The following PRPSAP2 variants were observed in gnomAD, a reference collection of about 807,000 sequenced individuals.
PRPSAP2 encodes the protein phosphoribosyl pyrophosphate synthetase associated protein 2.
PRPSAP2 carries 24 observed loss-of-function variants against 40.6 expected under a neutral mutation model. That is an observed-to-expected ratio of 0.59 (90% CI 0.43 to 0.83). The LOEUF (loss-of-function observed/expected upper bound fraction) is 0.83, where lower values mean the gene tolerates loss of function less well. Ranked by LOEUF, PRPSAP2 falls within the 40% of genes least tolerant of loss-of-function variation. PRPSAP2 has a pLI of 0.00. For missense variants in PRPSAP2, 292 were observed against 465.6 expected (o/e 0.63, Z 3.43); for synonymous variants, 149 against 164.7 (o/e 0.90, Z 0.73).
chr17:18,897,453 G>GTGGTGTTGTTGTTGT (rs1555555754), intron 8 of PRPSAP2, among the ~76,000 whole-genome samples: 14 of 150,598 alleles, frequency 9.3e-5, no homozygotes, highest in African/African-American at 3.4e-4. Flanking sequence ...CTCTATAGTG[G>GTGGTGTTGTTGTTGT]TGTTGTTGTT....
At chr17:18,929,792 CTTA>C (rs1296264942) in intron 11 of PRPSAP2, 1 of 152,124 alleles carries the variant, frequency 6.6e-6, no homozygotes, top group African/African-American at 2.4e-5. Flanking sequence ...TACTTTTTAA[CTTA>C]TGAATGGTGC....
At chr17:18,905,730 G>A (rs907127317) in intron 8 of PRPSAP2, among the ~76,000 whole-genome samples, 1 of 151,960 alleles carries the variant, frequency 6.6e-6, no homozygotes, top group Non-Finnish European at 1.5e-5. Flanking sequence ...ACAGGCATGT[G>A]CCACCACACC....
chr17:18,920,507 A>G (rs1008365702), intron 9 of PRPSAP2, among the ~76,000 whole-genome samples: 8 of 152,188 alleles, frequency 5.3e-5, no homozygotes, highest in African/African-American at 1.9e-4. Flanking sequence ...TTTTAGTTTC[A>G]TAGATCCTAA....
At chr17:18,921,445 G>A (rs1321129996) in intron 9 of PRPSAP2, among the ~76,000 whole-genome samples, 2 of 152,132 alleles carry the variant, frequency 1.3e-5, no homozygotes, top group African/African-American at 4.8e-5. Flanking sequence ...CTTCAGTTCT[G>A]GAATTTATCT....
chr17:18,871,100 A>G (rs2037828447), intron 4 of PRPSAP2, among the ~76,000 whole-genome samples: 1 of 151,940 alleles, frequency 6.6e-6, no homozygotes. Flanking sequence ...GCTTACTGCA[A>G]CCTCTGCCTC....
chr17:18,887,502 T>G (rs186664083), intron 7 of PRPSAP2, among the ~76,000 whole-genome samples: 1 of 151,294 alleles, frequency 6.6e-6, no homozygotes, highest in African/African-American at 2.4e-5. Context: ...GTGCTGGGAT[T>G]ATGGGCATGA....
At chr17:18,901,578 A>G (rs890688944) in intron 8 of PRPSAP2, among the ~76,000 whole-genome samples, 2 of 151,848 alleles carry the variant, frequency 1.3e-5, no homozygotes, top group African/African-American at 4.8e-5. Context: ...CAGTTTCACC[A>G]TGTTAGCAAG....
At position 18,911,367 on chromosome 17, in the gene PRPSAP2, A is replaced by C; in HGVS notation, c.733+116A>C. ...TTTTTTTAGTTGGCAAAAACTCATT[A>C]ACACCTTTCTTGGCCAGATAGTAGC... On this transcript the variant is annotated intron_variant, in intron 9 of 11. Coordinates refer to ENST00000268835, the MANE Select transcript of PRPSAP2 (RefSeq NM_002767.4). The surrounding 1 kb of genome is among the most constrained non-coding windows in gnomAD (Gnocchi z 4.5). 7.9e-7 allele frequency: 1 copy of C among 1,266,020 alleles called. No individual in the cohort carries two copies. The highest frequency in any genetic ancestry group is 1.1e-6 in the Non-Finnish European group (1 of 939,120). The allele number at this position is 1,266,020 out of a possible 1,614,324, so 78.4% of individuals were successfully genotyped here.
At chr17:18,868,643 G>C (rs988086960) in intron 4 of PRPSAP2, among the ~76,000 whole-genome samples, 1 of 151,938 alleles carries the variant, frequency 6.6e-6, no homozygotes, top group Non-Finnish European at 1.5e-5. Context: ...TAACTTGTGT[G>C]CCTACCAGTT....
intron 8 of PRPSAP2, among the ~76,000 whole-genome samples, chr17:18,894,479 C>CTTTTTTTTTTT (rs1201159228): frequency 0.078 from 9,340 of 119,818 alleles, 773 homozygotes; most frequent in Non-Finnish European, 0.1. Flanking sequence ...TTTCAATAGT[C>CTTTTTTTTTTT]TTTTTTTTTT....
chr17:18,874,070 C>T (rs1036667785), intron 5 of PRPSAP2, among the ~76,000 whole-genome samples: 1 of 151,994 alleles, frequency 6.6e-6, no homozygotes, highest in African/African-American at 2.4e-5. Context: ...ATGCTCACCT[C>T]GTTTTTTCAT....
At chr17:18,893,153 C>CTT (rs71355574) in intron 8 of PRPSAP2, among the ~76,000 whole-genome samples, 27 of 124,988 alleles carry the variant, frequency 2.2e-4, no homozygotes, top group Non-Finnish European at 3.5e-4. Flanking sequence ...TTCAATTTAT[C>CTT]TTTTTTTTTT....
At chr17:18,886,412 G>A (rs1194463061) in intron 7 of PRPSAP2, among the ~76,000 whole-genome samples, 5 of 151,714 alleles carry the variant, frequency 3.3e-5, no homozygotes, top group African/African-American at 9.7e-5. Flanking sequence ...CTGGAGTGCA[G>A]TGGCGCAATC....
At chr17:18,892,083 C>T (rs2039579836) in intron 8 of PRPSAP2, among the ~76,000 whole-genome samples, 1 of 152,152 alleles carries the variant, frequency 6.6e-6, no homozygotes. Flanking sequence ...TCTTAAACTC[C>T]TGACCTTGTG....
intron 9 of PRPSAP2, among the ~76,000 whole-genome samples, chr17:18,923,191 GC>G: frequency 6.6e-6 from 1 of 150,556 alleles, no homozygotes; most frequent in East Asian, 1.9e-4. Context: ...TCAGGTTCAC[GC>G]CATTCTCCTG....
At chr17:18,869,834 C>CTTTT (rs146119397) in intron 4 of PRPSAP2, among the ~76,000 whole-genome samples, 2 of 143,226 alleles carry the variant, frequency 1.4e-5, no homozygotes, top group African/African-American at 5.3e-5. Flanking sequence ...CATTTTGCTA[C>CTTTT]TTTTTTTTTG....
intron 8 of PRPSAP2, chr17:18,908,434 C>G: frequency 1.3e-6 from 1 of 757,914 alleles, no homozygotes. Context: ...CGAAACTGTT[C>G]TGATTTGCCT....
chr17:18,862,125 T>G (rs1419165432), intron 1 of PRPSAP2, among the ~76,000 whole-genome samples: 3 of 152,176 alleles, frequency 2.0e-5, no homozygotes, highest in Non-Finnish European at 4.4e-5. Context: ...TGACCTCAGG[T>G]AATCCGCCTG....
chr17:18,882,677 A>G lies in PRPSAP2; in HGVS notation c.522A>G (p.Gln174=), dbSNP rs766712036. ...CTCCCTTCTTATTACAGTATATTCA[A>G]GAAGAGGTGAGCTAGCTCAAACTTT... The part of the protein sequence containing the change: ...RASPFLLQYI[Q]EEIPDYRNAV... Residue 174 remains glutamine (Q), a synonymous_variant, in exon 7 of 12, where the codon CAA becomes CAG. Coordinates refer to ENST00000268835, the MANE Select transcript of PRPSAP2 (RefSeq NM_002767.4). 1.9e-5 allele frequency: 29 copies of G among 1,560,358 alleles called. No homozygotes were observed. The highest frequency in any genetic ancestry group is 2.6e-5 in the Non-Finnish European group (29 of 1,133,990).
Sources: gnomAD v4.1 joint callset for allele counts (sites outside exome capture counted in the v4.1 genomes callset) on GRCh38, gnomAD v4.1.1 for gene constraint, Gnocchi (gnomAD v3.1) non-coding constraint, MANE v1.5 for transcripts, NCBI Gene and HGNC (gene_info 2026-07-23, HGNC 2026-07-21) for gene names.